VTI1A: variants seen among roughly 807,000 people sequenced by gnomAD.
VTI1A encodes the protein vesicle transport through interaction with t-SNAREs 1A.
Under a neutral mutation model 34.9 loss-of-function variants are expected in VTI1A, and 22 were observed. That is an observed-to-expected ratio of 0.63 (90% CI 0.45 to 0.90). VTI1A has a LOEUF of 0.90. Among genes scored for constraint, VTI1A ranks in the 40% least tolerant of loss-of-function variants. The probability of loss-of-function intolerance (pLI) is 0.00; values close to 1 mark genes in which losing one functional copy is unlikely to be tolerated. For missense variants in VTI1A, 268 were observed against 275.6 expected (o/e 0.97, Z 0.20); for synonymous variants, 87 against 97.3 (o/e 0.89, Z 0.62).
At chr10:112,835,439 C>A in the VTI1A span, among the ~76,000 whole-genome samples, 5 of 152,238 alleles carry the variant, frequency 3.3e-5, no homozygotes, top group African/African-American at 1.2e-4. Context: ...CCAGCCCTCT[C>A]CCCTGCAGTT....
At chr10:112,551,966 TTTA>T (rs1029394349) in intron 5 of VTI1A, among the ~76,000 whole-genome samples, 3 of 152,208 alleles carry the variant, frequency 2.0e-5, no homozygotes, top group Non-Finnish European at 4.4e-5. Context: ...CATCAAACTT[TTTA>T]TTATTTCAGA....
intron 7 of VTI1A, among the ~76,000 whole-genome samples, chr10:112,717,840 GGAAATATTGTT>G (rs1455175504): frequency 6.6e-6 from 1 of 152,184 alleles, no homozygotes; most frequent in Non-Finnish European, 1.5e-5. Context: ...CAGTGGGGCA[GGAAATATTGTT>G]GCAACCAGTT....
rs190387697 is a variant in VTI1A at position 112,660,416 on chromosome 10, A to G, written c.428-7802A>G. 3.7e-3 allele frequency among the ~76,000 whole-genome samples: 571 copies of G among 152,302 alleles called. 2 individuals carry two copies. Among genetic ancestry groups the G allele is most frequent in the Non-Finnish European group, 5.0e-3 (339 of 68,024 alleles). On this transcript the variant is annotated intron_variant, in intron 5 of 7. Coordinates refer to ENST00000393077, the MANE Select transcript of VTI1A (RefSeq NM_145206.4). ...CCCGGCCCAAGTTCTAATATTTTAA[A>G]GCCAAGTGGCACTAAAGATCATCTA...
intron 7 of VTI1A, among the ~76,000 whole-genome samples, chr10:112,711,165 A>C (rs1849401067): frequency 6.6e-6 from 1 of 152,234 alleles, no homozygotes; most frequent in East Asian, 1.9e-4. Flanking sequence ...CTTCATTTTG[A>C]AAACTTTTAA....
chr10:112,783,481 G>C (rs1017051892), intron 7 of VTI1A, among the ~76,000 whole-genome samples: 1 of 152,056 alleles, frequency 6.6e-6, no homozygotes, highest in Non-Finnish European at 1.5e-5. Flanking sequence ...AGGTTCTCAT[G>C]ATCAACAGAT....
chr10:112,581,641 AG>A (rs1320870458), intron 5 of VTI1A, among the ~76,000 whole-genome samples: 1 of 152,236 alleles, frequency 6.6e-6, no homozygotes, highest in Non-Finnish European at 1.5e-5. Context: ...ATGATGATGC[AG>A]ATATAGACAC....
chr10:112,792,425 C>G (rs1852514836), intron 7 of VTI1A, among the ~76,000 whole-genome samples: 1 of 152,116 alleles, frequency 6.6e-6, no homozygotes, highest in African/African-American at 2.4e-5. Context: ...TCACACAGCC[C>G]AGCAGCCCAC....
intron 7 of VTI1A, among the ~76,000 whole-genome samples, chr10:112,695,378 T>C (rs1184375283): frequency 1.3e-5 from 2 of 152,178 alleles, no homozygotes; most frequent in African/African-American, 2.4e-5. Context: ...AATGACATTT[T>C]TTTTTAAGGG....
the VTI1A span, among the ~76,000 whole-genome samples, chr10:112,840,913 A>G: frequency 6.6e-6 from 1 of 152,156 alleles, no homozygotes; most frequent in Non-Finnish European, 1.5e-5. Flanking sequence ...TTAGTTGTTA[A>G]GCGGAGAAGA....
At chr10:112,744,942 T>C (rs1274039392) in intron 7 of VTI1A, among the ~76,000 whole-genome samples, 1 of 152,178 alleles carries the variant, frequency 6.6e-6, no homozygotes, top group African/African-American at 2.4e-5. Flanking sequence ...GGGTACTCCC[T>C]GAAAGAAACA....
chr10:112,619,069 T>TG (rs958225609), intron 5 of VTI1A, among the ~76,000 whole-genome samples: 25 of 151,876 alleles, frequency 1.6e-4, no homozygotes, highest in African/African-American at 5.8e-4. Flanking sequence ...CACAGTTTTT[T>TG]TTTTTTTTTA....
chr10:112,592,335 C>A (rs955925934), intron 5 of VTI1A, among the ~76,000 whole-genome samples: 1 of 152,176 alleles, frequency 6.6e-6, no homozygotes, highest in African/African-American at 2.4e-5. Flanking sequence ...TCTGTTACAG[C>A]AACAACAAGA....
the VTI1A span, among the ~76,000 whole-genome samples, chr10:112,848,645 A>G: frequency 1.3e-5 from 2 of 152,200 alleles, no homozygotes; most frequent in East Asian, 1.9e-4. Flanking sequence ...TCAAGAAACA[A>G]TTCAATTATT....
intron 7 of VTI1A, among the ~76,000 whole-genome samples, chr10:112,766,850 G>GT (rs1296804997): frequency 6.6e-6 from 1 of 152,206 alleles, no homozygotes; most frequent in Non-Finnish European, 1.5e-5. Context: ...GACTGGTTTA[G>GT]TGGCAGGTAA....
In VTI1A at chr10:112,816,171, A is replaced by G; in HGVS notation, c.*788A>G. ...TGACCTCGTCTTCCCTGACCTGTGT[A>G]AGCATCTCTGTATCCTTTCGGTTTT... is the stretch of plus-strand genomic sequence containing the variant. On this transcript the variant is annotated 3_prime_UTR_variant, in exon 8 of 8. Transcript: ENST00000393077. The G allele has an allele frequency of 4.6e-6, 1 of 218,284 alleles. No homozygotes were observed. Among genetic ancestry groups the G allele is most frequent in the Non-Finnish European group, 9.2e-6 (1 of 108,666 alleles). The allele number at this position is 218,284 out of a possible 1,614,324, so 13.5% of individuals were successfully genotyped here. A position where few individuals can be genotyped will look rare whatever the true frequency, so the allele number is the denominator to read the frequency against.
At chr10:112,718,082 G>C (rs1270025808) in intron 7 of VTI1A, among the ~76,000 whole-genome samples, 1 of 152,114 alleles carries the variant, frequency 6.6e-6, no homozygotes, top group African/African-American at 2.4e-5. Context: ...TCCCCATCAA[G>C]ATGACAACAT....
intron 3 of VTI1A, among the ~76,000 whole-genome samples, chr10:112,518,651 G>GTC (rs566564876): frequency 7.5e-6 from 1 of 134,122 alleles, no homozygotes; most frequent in East Asian, 2.4e-4. Flanking sequence ...GTATATACGT[G>GTC]TATATATATA....
At chr10:112,683,036 G>A (rs1030056185) in intron 7 of VTI1A, among the ~76,000 whole-genome samples, 2 of 152,178 alleles carry the variant, frequency 1.3e-5, no homozygotes, top group African/African-American at 4.8e-5. Flanking sequence ...ATGGCACCAG[G>A]TTTTGGCTCT....
chr10:112,526,461 T>C (rs2134220840), intron 3 of VTI1A, among the ~76,000 whole-genome samples: 1 of 152,166 alleles, frequency 6.6e-6, no homozygotes, highest in East Asian at 1.9e-4. Flanking sequence ...CACACACACT[T>C]TCATTACTTT....
Sources: gnomAD v4.1 joint callset for allele counts (sites outside exome capture counted in the v4.1 genomes callset) on GRCh38, gnomAD v4.1.1 for gene constraint, MANE v1.5 for transcripts, NCBI Gene and HGNC (gene_info 2026-07-23, HGNC 2026-07-21) for gene names.